Variants in RARB observed in about 807,000 individuals in gnomAD.
RARB encodes the protein HBV-activated protein.
RARB carries 17 observed loss-of-function variants against 51.9 expected under a neutral mutation model. The ratio of observed to expected loss-of-function variants is 0.33; its 90% CI spans 0.22 to 0.49. The LOEUF (loss-of-function observed/expected upper bound fraction) is 0.49, where lower values mean the gene tolerates loss of function less well. RARB is among the 20% of genes least tolerant of loss of function. The pLI, the probability that RARB is intolerant of heterozygous loss-of-function variation, is 0.99. For synonymous variants in RARB, 215 were observed against 195.4 expected, an observed-to-expected ratio of 1.10 and a Z score of -0.84; for missense variants, 369 against 550.8, an observed-to-expected ratio of 0.67 and a Z score of 3.30.
intron 2 of RARB, among the ~76,000 whole-genome samples, chr3:25,006,670 C>A (rs546977709): frequency 1.3e-5 from 2 of 152,174 alleles, no homozygotes; most frequent in East Asian, 3.9e-4. Flanking sequence ...TAATGAAGGT[C>A]TATTACAAAC....
chr3:25,561,571 C>G (rs1700272093), intron 3 of RARB, among the ~76,000 whole-genome samples: 1 of 151,980 alleles, frequency 6.6e-6, no homozygotes, highest in Non-Finnish European at 1.5e-5. Context: ...CCAGATTGAT[C>G]TAGTGTGGTC....
At chr3:24,952,005 A>G (rs1695904115) in intron 2 of RARB, among the ~76,000 whole-genome samples, 1 of 152,218 alleles carries the variant, frequency 6.6e-6, no homozygotes, top group Admixed American at 6.5e-5. Context: ...TCAAGTGATT[A>G]TTGCAATCTT....
intron 5 of RARB, among the ~76,000 whole-genome samples, chr3:25,291,527 T>G (rs1309007412): frequency 6.8e-5 from 10 of 146,860 alleles, no homozygotes; most frequent in African/African-American, 2.2e-4. Flanking sequence ...TTTTACCCAC[T>G]GCAGCAGTTC....
intron 2 of RARB, among the ~76,000 whole-genome samples, chr3:24,920,265 C>A (rs1695190209): frequency 6.6e-6 from 1 of 152,092 alleles, no homozygotes; most frequent in African/African-American, 2.4e-5. Context: ...GGCCAATTTC[C>A]AATGGAAATC....
At chr3:25,097,956 C>G (rs1265065301) in intron 3 of RARB, among the ~76,000 whole-genome samples, 1 of 152,158 alleles carries the variant, frequency 6.6e-6, no homozygotes, top group African/African-American at 2.4e-5. Flanking sequence ...CTACCTTTAA[C>G]TTGTTTAAAG....
chr3:24,921,582 T>A (rs1695217409), intron 2 of RARB, among the ~76,000 whole-genome samples: 1 of 152,074 alleles, frequency 6.6e-6, no homozygotes, highest in Non-Finnish European at 1.5e-5. Flanking sequence ...AGATCAACCT[T>A]TCTTCTTTTC....
chr3:25,165,342 T>A (rs1281400966), intron 4 of RARB, among the ~76,000 whole-genome samples: 2 of 152,160 alleles, frequency 1.3e-5, no homozygotes, highest in African/African-American at 4.8e-5. Context: ...ACATTTCCAT[T>A]TCTATGCCAG....
At chr3:25,329,565 G>A (rs1371613979) in intron 5 of RARB, among the ~76,000 whole-genome samples, 1 of 152,164 alleles carries the variant, frequency 6.6e-6, no homozygotes, top group African/African-American at 2.4e-5. Context: ...AGAAACCAGA[G>A]CAGAAAAGCT....
intron 2 of RARB, among the ~76,000 whole-genome samples, chr3:25,027,834 A>G (rs1697782127): frequency 6.6e-6 from 1 of 152,048 alleles, no homozygotes; most frequent in African/African-American, 2.4e-5. Context: ...AGTAAGGCTC[A>G]GTGAATGCTT....
intron 4 of RARB, among the ~76,000 whole-genome samples, chr3:25,153,837 C>T (rs991490166): frequency 1.3e-5 from 2 of 152,154 alleles, no homozygotes; most frequent in African/African-American, 4.8e-5. Context: ...ACACTTTCCT[C>T]AACATTGTGC....
At chr3:25,257,660 C>A (rs1702898598) in intron 5 of RARB, among the ~76,000 whole-genome samples, 1 of 152,076 alleles carries the variant, frequency 6.6e-6, no homozygotes, top group Admixed American at 6.6e-5. Flanking sequence ...GTCCTGCGGT[C>A]TACCTGATGC....
At chr3:24,977,902 GCT>G (rs1188471011) in intron 2 of RARB, among the ~76,000 whole-genome samples, 2 of 152,208 alleles carry the variant, frequency 1.3e-5, no homozygotes, top group Middle Eastern at 3.4e-3. Context: ...GTCATAAATA[GCT>G]CTTATTATTT....
chr3:24,848,770 A>G (rs986091599), intron 1 of RARB, among the ~76,000 whole-genome samples: 8 of 152,178 alleles, frequency 5.3e-5, no homozygotes, highest in Non-Finnish European at 1.0e-4. Context: ...TTTTTACTTC[A>G]CGATGTCCTA....
At chr3:25,337,052 G>GAT (rs1705083750) in intron 5 of RARB, among the ~76,000 whole-genome samples, 1 of 152,192 alleles carries the variant, frequency 6.6e-6, no homozygotes, top group South Asian at 2.1e-4. Flanking sequence ...TTCTAGTAGA[G>GAT]CTAAACTCCA....
chr3:25,374,567 C>G (rs986592131), intron 5 of RARB, among the ~76,000 whole-genome samples: 1 of 152,098 alleles, frequency 6.6e-6, no homozygotes, highest in Non-Finnish European at 1.5e-5. Context: ...CAGCTCCCTG[C>G]TGCTCCTAAC....
chr3:24,838,274 G>A lies in RARB; in HGVS notation c.-459+8871G>A, dbSNP rs150438105. On this transcript the variant is annotated intron_variant, in intron 1 of 11. Transcript: ENST00000383772. Reference sequence around the variant, plus strand: ...ATTTCTCAGCTTTTTGAAGGCTTGTGTGATTAGATAATCCAGGATAATATC... The same window carrying A: ...ATTTCTCAGCTTTTTGAAGGCTTGTATGATTAGATAATCCAGGATAATATC... Among the ~76,000 whole-genome samples the A allele has an allele frequency of 4.5e-4, 69 of 152,240 alleles. No homozygotes were observed. The Middle Eastern group carries it at 0.02, about 45-fold the overall frequency.
chr3:25,091,147 G>C (rs1699191662), intron 3 of RARB, among the ~76,000 whole-genome samples: 1 of 152,140 alleles, frequency 6.6e-6, no homozygotes, highest in African/African-American at 2.4e-5. Context: ...AGAACAACAA[G>C]TCAGTCCCCT....
At chr3:25,009,963 A>G (rs1410540295) in intron 2 of RARB, among the ~76,000 whole-genome samples, 1 of 152,090 alleles carries the variant, frequency 6.6e-6, no homozygotes, top group Admixed American at 6.6e-5. Context: ...TTCTTATTTT[A>G]TAAAAGCCAG....
intron 1 of RARB, among the ~76,000 whole-genome samples, chr3:24,831,430 A>G (rs974895023): frequency 6.6e-6 from 1 of 152,232 alleles, no homozygotes; most frequent in Non-Finnish European, 1.5e-5. Context: ...AGACGCCATC[A>G]GGGAGTAATT....
Sources: allele counts gnomAD v4.1 joint callset (sites outside exome capture counted in the v4.1 genomes callset), GRCh38; gene constraint gnomAD v4.1.1; transcripts MANE v1.5; gene names NCBI Gene and HGNC (gene_info 2026-07-23, HGNC 2026-07-21).